PCDHGB2: variants seen among roughly 807,000 people sequenced by gnomAD.
PCDHGB2 encodes protocadherin gamma subfamily B, 2.
A neutral mutation model predicts 59.3 loss-of-function variants in PCDHGB2; 55 were observed. That is an observed-to-expected ratio of 0.93 (90% CI 0.75 to 1.16). The LOEUF is 1.16. PCDHGB2 is among the 50% of genes most tolerant of loss of function. The pLI is 0.00. For synonymous variants in PCDHGB2, 516 were observed against 512.0 expected, an observed-to-expected ratio of 1.01 and a Z score of -0.11; for missense variants, 1,228 against 1,198.5, an observed-to-expected ratio of 1.02 and a Z score of -0.36.
intron 1 of PCDHGB2, among the ~76,000 whole-genome samples, chr5:141,444,152 ATTTTTTTTTTTT>A (rs747671382): frequency 5.9e-4 from 20 of 33,896 alleles, no homozygotes; most frequent in African/African-American, 1.8e-3. Flanking sequence ...TGTGTACTGG[ATTTTTTTTTTTT>A]TTTTTTTTTT....
chr5:141,466,297 A>G (rs1206472131), intron 1 of PCDHGB2, among the ~76,000 whole-genome samples: 3 of 152,146 alleles, frequency 2.0e-5, no homozygotes, highest in East Asian at 1.9e-4. Flanking sequence ...CAGGCTCCCA[A>G]GTAGCTGGGA....
chr5:141,427,991 C>T (rs748924488), intron 1 of PCDHGB2: 1 of 1,599,024 alleles, frequency 6.3e-7, no homozygotes, highest in Non-Finnish European at 8.6e-7. Context: ...GGCCCGATGG[C>T]TCCGCACTCT....
At chr5:141,417,384 GAAGA>G (rs2096114648) in intron 1 of PCDHGB2, 1 of 154,070 alleles carries the variant, frequency 6.5e-6, no homozygotes, top group African/African-American at 2.4e-5. Context: ...TTTAAATTTT[GAAGA>G]AAAAATATTC....
intron 1 of PCDHGB2, chr5:141,420,437 T>G (rs2096496377): frequency 4.5e-6 from 5 of 1,109,618 alleles, no homozygotes; most frequent in Admixed American, 3.7e-5. Context: ...TTAAATTAAA[T>G]GCCTCAGTCT....
intron 1 of PCDHGB2, chr5:141,384,711 G>A (rs765373675): frequency 2.5e-6 from 4 of 1,614,042 alleles, no homozygotes; most frequent in East Asian, 2.2e-5. Flanking sequence ...ACGCCTGGCT[G>A]TCATACCTCC....
intron 1 of PCDHGB2, among the ~76,000 whole-genome samples, chr5:141,445,180 GT>G (rs745433969): frequency 6.6e-6 from 1 of 152,148 alleles, no homozygotes; most frequent in Non-Finnish European, 1.5e-5. Flanking sequence ...GAAAAACTAT[GT>G]TTTTATGTAT....
At chr5:141,500,145 T>C (rs2099796736) in intron 2 of PCDHGB2, among the ~76,000 whole-genome samples, 2 of 151,992 alleles carry the variant, frequency 1.3e-5, no homozygotes, top group East Asian at 3.9e-4. Context: ...TAAACTTTTC[T>C]TTGTGTAATC....
chr5:141,476,966 G>A lies in PCDHGB2; in HGVS notation c.2422-17841G>A. ...CAACGGTGAAATTATTTACTCCTTC[G>A]GCAGCCACAACCGCGCCGGCGTGCG... On this transcript the variant is annotated intron_variant, in intron 1 of 3. Transcript: ENST00000522605. This position sits in a 1 kb window ranked among gnomAD's most constrained non-coding sequence, Gnocchi z 7.6. 1 of 1,614,152 alleles carries A rather than the reference G, an allele frequency of 6.2e-7. No individual in the cohort carries two copies. The highest frequency in any genetic ancestry group is 8.5e-7 in the Non-Finnish European group (1 of 1,180,032).
intron 1 of PCDHGB2, chr5:141,395,735 A>T (rs1226671096): frequency 6.5e-6 from 1 of 153,508 alleles, no homozygotes; most frequent in East Asian, 1.9e-4. Context: ...TCTTCACTTT[A>T]AACCTCTTTT....
intron 1 of PCDHGB2, chr5:141,375,994 G>T (rs553803944): frequency 1.2e-6 from 2 of 1,613,410 alleles, no homozygotes; most frequent in East Asian, 2.2e-5. Context: ...ACAGAGACGC[G>T]CTCAAGCAGA....
At chr5:141,450,790 A>G (rs2098694056) in intron 1 of PCDHGB2, among the ~76,000 whole-genome samples, 1 of 148,832 alleles carries the variant, frequency 6.7e-6, no homozygotes, top group Admixed American at 6.7e-5. Context: ...CCCGGACCTC[A>G]TGATTGTATT....
chr5:141,419,886 G>A lies in PCDHGB2; in HGVS notation c.2421+57330G>A, dbSNP rs1195529127. ...TTGCAAGAGGTACTGCCGGATTTCA[G>A]CGACCATCCCACACCCTCTGACTCC... On this transcript the variant is annotated intron_variant, in intron 1 of 3. Transcript: ENST00000522605. 1.9e-6 allele frequency: 3 copies of A among 1,614,076 alleles called. No individual in the cohort carries two copies. In the East Asian group the frequency reaches 6.7e-5, roughly 36 times the overall value.
chr5:141,396,765 T>A (rs1446594255), intron 1 of PCDHGB2: 1 of 152,246 alleles, frequency 6.6e-6, no homozygotes, highest in Non-Finnish European at 1.5e-5. Flanking sequence ...CAATAAATGT[T>A]TGTTATTAAT....
chr5:141,398,092 T>C (rs748472174), intron 1 of PCDHGB2: 19 of 1,598,994 alleles, frequency 1.2e-5, no homozygotes, highest in Non-Finnish European at 1.6e-5. Flanking sequence ...ACCTGGCGTC[T>C]CCAGGCTGGT....
Position 141,361,012 on chromosome 5 carries a change from A to G in PCDHGB2, c.877A>G (p.Asn293Asp). 1 of 1,613,186 alleles carries G rather than the reference A, an allele frequency of 6.2e-7. No individual in the cohort carries two copies. The highest frequency in any genetic ancestry group is 1.1e-5 in the South Asian group (1 of 91,002). Residue 293 changes from asparagine (N) to aspartate (D), a missense_variant, in exon 1 of 4, where the codon AAC (asparagine) becomes GAC (aspartate). This residue lies in a region of PCDHGB2 where 781 missense variants were observed against 721.6 expected (regional missense o/e 1.08). Transcript: ENST00000522605. ...NVDEQVKHFF[N>D]LNEKTGEITT... ...GGACGAACAAGTGAAACACTTTTTC[A>G]ACTTAAATGAAAAAACAGGAGAAAT... is the stretch of plus-strand genomic sequence containing the variant.
At chr5:141,389,933 G>A (rs774443122) in intron 1 of PCDHGB2, 7 of 1,614,068 alleles carry the variant, frequency 4.3e-6, no homozygotes, top group Non-Finnish European at 5.9e-6. Context: ...CTGACCTCCA[G>A]GCTGAGCTGC....
intron 1 of PCDHGB2, among the ~76,000 whole-genome samples, chr5:141,481,184 C>A (rs2099533291): frequency 6.6e-6 from 1 of 152,146 alleles, no homozygotes; most frequent in African/African-American, 2.4e-5. Flanking sequence ...CTTTATTGGG[C>A]CAGGCCCAAT....
intron 1 of PCDHGB2, chr5:141,399,703 C>T: frequency 1.2e-6 from 2 of 1,613,474 alleles, no homozygotes; most frequent in African/African-American, 1.3e-5. Flanking sequence ...CACCTTCGAA[C>T]TCACACTACA....
intron 1 of PCDHGB2, among the ~76,000 whole-genome samples, chr5:141,380,158 T>C (rs939673033): frequency 6.6e-6 from 1 of 151,976 alleles, no homozygotes; most frequent in Non-Finnish European, 1.5e-5. Flanking sequence ...CCTCAGCCTC[T>C]CAAAGGGCTG....
Sources: gnomAD v4.1 joint callset for allele counts (sites outside exome capture counted in the v4.1 genomes callset) on GRCh38, gnomAD v4.1.1 for gene constraint, gnomAD v4.1.1 regional missense constraint, Gnocchi (gnomAD v3.1) non-coding constraint, MANE v1.5 for transcripts, NCBI Gene and HGNC (gene_info 2026-07-23, HGNC 2026-07-21) for gene names.